Variants in BABAM2 observed in about 807,000 individuals in gnomAD.
The protein encoded by BABAM2 is BRISC and BRCA1 A complex member 2.
A neutral mutation model predicts 54.7 loss-of-function variants in BABAM2; 31 were observed. The observed-to-expected ratio is 0.57, with a 90% CI of 0.43 to 0.77. BABAM2 has a LOEUF of 0.77. Among genes scored for constraint, BABAM2 ranks in the 30% least tolerant of loss-of-function variants. The pLI, the probability that BABAM2 is intolerant of heterozygous loss-of-function variation, is 0.00. For synonymous variants in BABAM2, 167 were observed against 162.9 expected, an observed-to-expected ratio of 1.03 and a Z score of -0.19; for missense variants, 364 against 455.8, an observed-to-expected ratio of 0.80 and a Z score of 1.83.
intron 6 of BABAM2, among the ~76,000 whole-genome samples, chr2:28,108,835 GA>G (rs949416851): frequency 1.8e-4 from 27 of 149,942 alleles, no homozygotes; most frequent in Middle Eastern, 3.2e-3. Context: ...ATGATGTCGT[GA>G]AAAAAAAACA....
At chr2:28,323,161 T>A (rs1181964591) in intron 11 of BABAM2, among the ~76,000 whole-genome samples, 1 of 152,202 alleles carries the variant, frequency 6.6e-6, no homozygotes, top group Non-Finnish European at 1.5e-5. Flanking sequence ...ATGCAGTCCC[T>A]TACCCCTGCA....
intron 6 of BABAM2, among the ~76,000 whole-genome samples, chr2:28,107,866 A>G (rs140906474): frequency 6.4e-4 from 98 of 152,326 alleles, no homozygotes; most frequent in African/African-American, 2.2e-3. Flanking sequence ...TGAATTCTGT[A>G]TTAATGAATC....
chr2:28,001,804 A>C (rs1033176980), intron 4 of BABAM2, among the ~76,000 whole-genome samples: 1 of 152,122 alleles, frequency 6.6e-6, no homozygotes, highest in Non-Finnish European at 1.5e-5. Context: ...ATGTGAATTC[A>C]GAGTGAGAAC....
At chr2:28,315,403 C>A (rs964601273) in intron 11 of BABAM2, among the ~76,000 whole-genome samples, 2 of 148,410 alleles carry the variant, frequency 1.3e-5, no homozygotes, top group Admixed American at 6.7e-5. Flanking sequence ...TAAGGTATTT[C>A]TTTGTGTGTG....
intron 7 of BABAM2, among the ~76,000 whole-genome samples, chr2:28,142,831 T>A (rs1425747240): frequency 6.6e-6 from 1 of 152,154 alleles, no homozygotes; most frequent in Non-Finnish European, 1.5e-5. Context: ...TATCATCATA[T>A]ATTATTCCTT....
At position 28,257,880 on chromosome 2, in the gene BABAM2, AAAAG is replaced by A. The variant is rs529890217; in HGVS notation, c.934+13026_934+13029del. On this transcript the variant is annotated intron_variant, in intron 10 of 11. Coordinates refer to ENST00000379624, the MANE Select transcript of BABAM2 (RefSeq NM_199191.3). Reference sequence around the variant, plus strand: ...AGCCTGGGTTACAGAGTAAAAAGAAAAAAGAAAGAAAAGAAGCCGGGCGTGGTGG... The same window carrying A: ...AGCCTGGGTTACAGAGTAAAAAGAAAAAAGAAAAGAAGCCGGGCGTGGTGG... 7.4e-4 allele frequency among the ~76,000 whole-genome samples: 112 copies of A among 150,766 alleles called. 3 individuals carry two copies. The South Asian group carries it at 0.023, about 31-fold the overall frequency.
At chr2:28,120,827 A>C (rs968480601) in intron 6 of BABAM2, among the ~76,000 whole-genome samples, 2 of 152,216 alleles carry the variant, frequency 1.3e-5, no homozygotes, top group Admixed American at 1.3e-4. Flanking sequence ...AAGGAATCTT[A>C]ATGGAGCAAG....
intron 2 of BABAM2, among the ~76,000 whole-genome samples, chr2:27,900,897 G>A (rs2148276798): frequency 6.6e-6 from 1 of 152,030 alleles, no homozygotes; most frequent in South Asian, 2.1e-4. Context: ...CAAAAAATTA[G>A]CCGGGCATGG....
chr2:28,148,461 A>G (rs1671711676), intron 7 of BABAM2, among the ~76,000 whole-genome samples: 1 of 152,230 alleles, frequency 6.6e-6, no homozygotes. Context: ...TTACCAAGGA[A>G]ACTGGATGTA....
At chr2:28,060,661 A>T (rs1184694687) in intron 6 of BABAM2, among the ~76,000 whole-genome samples, 3 of 152,232 alleles carry the variant, frequency 2.0e-5, no homozygotes, top group Admixed American at 6.5e-5. Flanking sequence ...CAAGGTCAAT[A>T]TATAAAATCA....
intron 5 of BABAM2, among the ~76,000 whole-genome samples, chr2:28,034,761 A>G (rs1038002153): frequency 6.6e-6 from 1 of 152,188 alleles, no homozygotes; most frequent in Non-Finnish European, 1.5e-5. Context: ...AGGAAAAAGA[A>G]AAAAGATATT....
intron 2 of BABAM2, among the ~76,000 whole-genome samples, chr2:27,897,960 T>C (rs1665475433): frequency 6.6e-6 from 1 of 152,224 alleles, no homozygotes; most frequent in African/African-American, 2.4e-5. Context: ...TAGAGTGATG[T>C]ACTTCCTTTA....
chr2:28,158,690 T>C (rs1672779389), intron 7 of BABAM2, among the ~76,000 whole-genome samples: 1 of 152,254 alleles, frequency 6.6e-6, no homozygotes, highest in African/African-American at 2.4e-5. Context: ...TAAGGCTATG[T>C]AATATAGCTT....
chr2:28,103,603 C>T (rs1240169905), intron 6 of BABAM2, among the ~76,000 whole-genome samples: 1 of 152,212 alleles, frequency 6.6e-6, no homozygotes, highest in Admixed American at 6.5e-5. Context: ...GCCACTGCAC[C>T]TGGCATAAAG....
At chr2:28,179,122 C>T (rs2147876245) in intron 7 of BABAM2, among the ~76,000 whole-genome samples, 1 of 152,154 alleles carries the variant, frequency 6.6e-6, no homozygotes, top group Non-Finnish European at 1.5e-5. Flanking sequence ...GAAGCAATTC[C>T]CCTTAACTCA....
At chr2:28,318,654 G>A (rs139137837) in intron 11 of BABAM2, among the ~76,000 whole-genome samples, 2 of 152,322 alleles carry the variant, frequency 1.3e-5, no homozygotes, top group Non-Finnish European at 2.9e-5. Context: ...TACAAAGGGC[G>A]GGGCTTATTT....
chr2:27,983,867 T>A (rs552535643), intron 3 of BABAM2, among the ~76,000 whole-genome samples: 123 of 151,400 alleles, frequency 8.1e-4, no homozygotes, highest in African/African-American at 3.0e-3. Context: ...TCATTGGGAT[T>A]TTTTACATGC....
chr2:27,992,147 C>G (rs143775050), intron 4 of BABAM2, among the ~76,000 whole-genome samples: 25 of 152,242 alleles, frequency 1.6e-4, no homozygotes, highest in African/African-American at 5.8e-4. Context: ...TACTGAGCAT[C>G]TTTTCATGTG....
intron 5 of BABAM2, among the ~76,000 whole-genome samples, chr2:28,042,711 G>C (rs781610036): frequency 6.6e-6 from 1 of 152,112 alleles, no homozygotes; most frequent in Non-Finnish European, 1.5e-5. Context: ...ATTTTTTAAA[G>C]TAAAACAGAG....
Sources: gnomAD v4.1 joint callset for allele counts (sites outside exome capture counted in the v4.1 genomes callset) on GRCh38, gnomAD v4.1.1 for gene constraint, MANE v1.5 for transcripts, NCBI Gene and HGNC (gene_info 2026-07-23, HGNC 2026-07-21) for gene names.